EYA4: variants seen among roughly 807,000 people sequenced by gnomAD.
The protein encoded by EYA4 is EYA transcriptional coactivator and phosphatase 4.
A neutral mutation model predicts 87.9 loss-of-function variants in EYA4; 31 were observed. The observed-to-expected ratio is 0.35, with a 90% CI of 0.27 to 0.48. EYA4 has a LOEUF of 0.48. Ranked by LOEUF, EYA4 falls within the 20% of genes least tolerant of loss-of-function variation. The pLI is 0.99. For synonymous variants in EYA4, 263 were observed against 270.6 expected (o/e 0.97, Z 0.28); for missense variants, 678 against 761.4 (o/e 0.89, Z 1.29).
At chr6:133,267,635 G>A (rs998712742) in intron 1 of EYA4, among the ~76,000 whole-genome samples, 1 of 151,948 alleles carries the variant, frequency 6.6e-6, no homozygotes, top group African/African-American at 2.4e-5. Context: ...CGCCCACCTC[G>A]GCCTCCCAAA....
chr6:133,259,593 A>G (rs1044033857), intron 1 of EYA4, among the ~76,000 whole-genome samples: 3 of 152,236 alleles, frequency 2.0e-5, no homozygotes, highest in Admixed American at 2.0e-4. Context: ...AAAAATCTGG[A>G]TCAATAAAAT....
At chr6:133,321,236 A>G (rs959777622) in intron 2 of EYA4, among the ~76,000 whole-genome samples, 1 of 152,160 alleles carries the variant, frequency 6.6e-6, no homozygotes, top group Non-Finnish European at 1.5e-5. Context: ...GTATTGATTC[A>G]GCTTTATTTG....
intron 2 of EYA4, among the ~76,000 whole-genome samples, chr6:133,353,576 G>T (rs1476632024): frequency 2.0e-5 from 3 of 152,166 alleles, no homozygotes; most frequent in Non-Finnish European, 4.4e-5. Flanking sequence ...TACCTGGTAT[G>T]AAAACTCCAG....
At chr6:133,285,238 T>C (rs1390714569) in intron 2 of EYA4, among the ~76,000 whole-genome samples, 1 of 152,166 alleles carries the variant, frequency 6.6e-6, no homozygotes. Context: ...CCTTGTGATC[T>C]GCCTGCCTCG....
At chr6:133,526,511 C>T (rs186403331) in intron 19 of EYA4, among the ~76,000 whole-genome samples, 14 of 152,276 alleles carry the variant, frequency 9.2e-5, no homozygotes, top group Admixed American at 9.2e-4. Context: ...AAAGCACTTC[C>T]ACTTTAGAAG....
intron 13 of EYA4, among the ~76,000 whole-genome samples, chr6:133,493,019 G>A (rs557951055): frequency 2.8e-4 from 43 of 152,152 alleles, no homozygotes; most frequent in African/African-American, 8.9e-4. Context: ...TAAAATGTCC[G>A]TTTTACCTGA....
intron 11 of EYA4, among the ~76,000 whole-genome samples, chr6:133,479,180 G>A (rs1795995972): frequency 1.3e-5 from 2 of 152,094 alleles, no homozygotes; most frequent in African/African-American, 2.4e-5. Flanking sequence ...ATTAAAAATG[G>A]AACTTTTATG....
chr6:133,482,696 C>T (rs1231402700), intron 12 of EYA4, among the ~76,000 whole-genome samples: 1 of 152,058 alleles, frequency 6.6e-6, no homozygotes, highest in Non-Finnish European at 1.5e-5. Flanking sequence ...TTATGAATCC[C>T]TAAGGTATAA....
chr6:133,379,309 T>C (rs1049495124), intron 2 of EYA4, among the ~76,000 whole-genome samples: 1 of 152,114 alleles, frequency 6.6e-6, no homozygotes, highest in East Asian at 1.9e-4. Context: ...TTCTTTCTTA[T>C]ATAGCATATA....
intron 3 of EYA4, among the ~76,000 whole-genome samples, chr6:133,446,192 T>TG (rs974240040): frequency 1.4e-4 from 22 of 152,156 alleles, no homozygotes; most frequent in Non-Finnish European, 2.8e-4. Context: ...GTAGCTAAGG[T>TG]GATCAGTTTA....
chr6:133,452,796 G>C (rs1000301574), intron 5 of EYA4: 2 of 152,046 alleles, frequency 1.3e-5, no homozygotes, highest in Admixed American at 6.6e-5. Flanking sequence ...ATTTCTTAAC[G>C]GTTCTCGACA....
rs143867561 is a variant in EYA4, at chr6:133,400,377, G to A, written c.83+17936G>A. On this transcript the variant is annotated intron_variant, in intron 3 of 19. Coordinates refer to ENST00000355286, the MANE Select transcript of EYA4 (RefSeq NM_004100.5). ...ACAAAAATTAGTAGGGTGTGGTGGCGCACGCCTGTAATCCCAGCTACTCCG... is the reference window on the plus strand; with the variant it reads ...ACAAAAATTAGTAGGGTGTGGTGGCACACGCCTGTAATCCCAGCTACTCCG... Among the ~76,000 whole-genome samples the A allele has an allele frequency of 8.0e-3, 1,220 of 151,946 alleles. 19 individuals are homozygous for A. Among genetic ancestry groups the A allele is most frequent in the African/African-American group, 0.028 (1,153 of 41,460 alleles).
At chr6:133,323,878 G>C (rs1361205627) in intron 2 of EYA4, among the ~76,000 whole-genome samples, 2 of 152,076 alleles carry the variant, frequency 1.3e-5, no homozygotes, top group East Asian at 1.9e-4. Flanking sequence ...ACAAACACAA[G>C]GTTCTTAATA....
At chr6:133,516,524 A>G (rs1408003713) in intron 17 of EYA4, among the ~76,000 whole-genome samples, 1 of 151,792 alleles carries the variant, frequency 6.6e-6, no homozygotes. Context: ...CACCCTAGCC[A>G]ACATGGTGAA....
chr6:133,247,204 A>G (rs1003980315), intron 1 of EYA4: 1 of 152,222 alleles, frequency 6.6e-6, no homozygotes, highest in African/African-American at 2.4e-5. Flanking sequence ...ATATGGCCTA[A>G]ATAACCACAG....
At chr6:133,299,677 A>G (rs1025863166) in intron 2 of EYA4, among the ~76,000 whole-genome samples, 4 of 151,664 alleles carry the variant, frequency 2.6e-5, no homozygotes, top group Admixed American at 6.6e-5. Flanking sequence ...GCGCCACTGC[A>G]CTCCAGCCTG....
chr6:133,400,498 ACT>A (rs10583203), intron 3 of EYA4, among the ~76,000 whole-genome samples: 80,480 of 150,242 alleles, frequency 0.54, 26,427 homozygotes, highest in Non-Finnish European at 0.73. Flanking sequence ...ACAAAGCAAG[ACT>A]CTGTCTTGAA....
chr6:133,460,267 G>A (rs28360637), intron 6 of EYA4, among the ~76,000 whole-genome samples: 2 of 152,046 alleles, frequency 1.3e-5, no homozygotes, highest in African/African-American at 2.4e-5. Context: ...CTGTGTGCTC[G>A]CTCAGTGTGG....
intron 3 of EYA4, among the ~76,000 whole-genome samples, chr6:133,383,517 CA>C (rs768724484): frequency 2.8e-3 from 127 of 45,212 alleles, no homozygotes; most frequent in African/African-American, 9.0e-3. Flanking sequence ...GACTCCATCT[CA>C]AAAAAAAAAA....
Sources: gnomAD v4.1 joint callset for allele counts (sites outside exome capture counted in the v4.1 genomes callset) on GRCh38, gnomAD v4.1.1 for gene constraint, MANE v1.5 for transcripts, NCBI Gene and HGNC (gene_info 2026-07-23, HGNC 2026-07-21) for gene names.